Variants in LRRC45 observed in about 807,000 individuals in gnomAD.
LRRC45 encodes leucine-rich repeat-containing protein 45.
LRRC45 carries 73 observed loss-of-function variants against 85.4 expected under a neutral mutation model. The observed-to-expected ratio is 0.85, with a 90% CI of 0.71 to 1.04. LRRC45 has a LOEUF of 1.04. Ranked by LOEUF, LRRC45 falls within the 50% of genes least tolerant of loss-of-function variation. The pLI is 0.00. For missense variants in LRRC45, 937 were observed against 883.3 expected, an observed-to-expected ratio of 1.06 and a Z score of -0.77; for synonymous variants, 429 against 386.0, an observed-to-expected ratio of 1.11 and a Z score of -1.31.
At chr17:82,029,945 G>T in intron 14 of LRRC45, 120 bp from the exon 15 acceptor site, 1 of 1,289,674 alleles carries the variant, frequency 7.8e-7, no homozygotes. Context: ...AGCGGGTTCA[G>T]AGTCATAGTA....
chr17:82,031,011 C>G lies in LRRC45; in HGVS notation c.*206C>G, dbSNP rs763807120. 3.7e-4 allele frequency: 149 copies of G among 400,536 alleles called. No individual in the cohort carries two copies. The highest frequency in any genetic ancestry group is 1.4e-3 in the Admixed American group (31 of 22,616). 24.8% of individuals were successfully genotyped at this position (400,536 alleles called of 1,614,324 possible). A position where few individuals can be genotyped will look rare whatever the true frequency, so the allele number is the denominator to read the frequency against. On this transcript the variant is annotated 3_prime_UTR_variant, in exon 17 of 17. Coordinates refer to ENST00000306688, the MANE Select transcript of LRRC45 (RefSeq NM_144999.4). ...GGGCTCCCTACCGGCCCCTTCTTCC[C>G]GGTCGACGCCACGTGGGAGCACACC... is the stretch of plus-strand genomic sequence containing the variant.
At position 82,030,252 on chromosome 17, in the gene LRRC45, C is replaced by G. The variant is rs1223215312; in HGVS notation, c.1668+14C>G. 1.3e-6 allele frequency: 2 copies of G among 1,533,568 alleles called. No individual in the cohort carries two copies. The highest frequency in any genetic ancestry group is 1.8e-6 in the Non-Finnish European group (2 of 1,135,908). The allele number at this position is 1,533,568 out of a possible 1,614,324, so 95.0% of individuals were successfully genotyped here. A position where few individuals can be genotyped will look rare whatever the true frequency, so the allele number is the denominator to read the frequency against. On this transcript the variant is annotated intron_variant, in intron 15 of 16. Transcript: ENST00000306688. ...GAGCTGCAGCAGGTAGGCGGGGCTC[C>G]GGTGGGGGGCCCCGGGCGTGCTAGC...
chr17:82,023,558 C>T lies in LRRC45; in HGVS notation c.-86C>T. 1 of 1,263,034 alleles carries T rather than the reference C, an allele frequency of 7.9e-7. No individual in the cohort carries two copies. Among genetic ancestry groups the T allele is most frequent in the South Asian group, 1.6e-5 (1 of 63,720 alleles). The allele number at this position is 1,263,034 out of a possible 1,614,324, so 78.2% of individuals were successfully genotyped here. A position where few individuals can be genotyped will look rare whatever the true frequency, so the allele number is the denominator to read the frequency against. On this transcript the variant is annotated 5_prime_UTR_variant, in exon 1 of 17. Transcript: ENST00000306688. ...TCGGCGGAGGCCCCGTCTCCTGTAC[C>T]CGGCGCTGGGACTGCTCCGCACCGC...
Position 82,030,122 on chromosome 17 carries a change from G to C in LRRC45, c.1552G>C (p.Glu518Gln), listed in dbSNP as rs1258163020. 6.5e-7 allele frequency: 1 copy of C among 1,547,822 alleles called. No homozygotes were observed. The part of the protein sequence containing the change: ...KLRLLAQARD[E>Q]AQGACLQQKQ... Reference sequence around the variant, plus strand: ...GAGACTGCTGGCGCAGGCACGGGACGAGGCGCAGGGCGCTTGCCTACAGCA... The same window carrying C: ...GAGACTGCTGGCGCAGGCACGGGACCAGGCGCAGGGCGCTTGCCTACAGCA... The change falls in exon 15 of 17, where the codon GAG becomes CAG. Residue 518 changes from glutamate to glutamine, a missense_variant. Glu to Gln is a conservative substitution (Grantham distance 29). Coordinates refer to ENST00000306688, the MANE Select transcript of LRRC45 (RefSeq NM_144999.4).
intron 14 of LRRC45, 83 bp downstream of exon 14, chr17:82,029,718 C>G: frequency 7.4e-7 from 1 of 1,348,066 alleles, no homozygotes; most frequent in Non-Finnish European, 1.0e-6. Flanking sequence ...GAGCTTCGGT[C>G]TGAGTGGGGA....
In LRRC45 at chr17:82,024,989, C is replaced by T; in HGVS notation, c.354-11C>T. The T allele has an allele frequency of 3.2e-6, 5 of 1,554,692 alleles. No homozygotes were observed. The highest frequency in any genetic ancestry group is 1.4e-5 in the African/African-American group (1 of 73,714). On this transcript the variant is annotated splice_polypyrimidine_tract_variant and intron_variant, in intron 3 of 16. Coordinates refer to ENST00000306688, the MANE Select transcript of LRRC45 (RefSeq NM_144999.4). The stretch of plus-strand genomic sequence containing the variant: ...CCCCTAGGTGAACACTGGCTTCTGC[C>T]CCTCCTGCAGCCTCACGCTGGAGTG...
Position 82,023,839 on chromosome 17 carries a change from A to C in LRRC45, c.196A>C (p.Ser66Arg). 6.4e-7 allele frequency: 1 copy of C among 1,564,612 alleles called. No homozygotes were observed. Among genetic ancestry groups the C allele is most frequent in the Non-Finnish European group, 8.6e-7 (1 of 1,156,756 alleles). Residue 66 changes from serine (S) to arginine (R), a missense_variant, in exon 1 of 17, where the codon AGT (serine) becomes CGT (arginine). By Grantham distance (110) the Ser-to-Arg change is moderately radical. Transcript: ENST00000306688. ...GACGCTGTGCACGGAGCTGGTCCTG[A>C]GTGACTGCATGCTCAGCGAGGAAGG... ...RETLCTELVL[S>R]DCMLSEEGAT...
chr17:82,027,414 A>G lies in LRRC45; in HGVS notation c.803A>G (p.Lys268Arg), dbSNP rs747821462. ...CTCGACTTGATGGAGACTATTGATAAGCAGCGAGAAGAGATGGCCAAGAGC... is the reference window on the plus strand; with the variant it reads ...CTCGACTTGATGGAGACTATTGATAGGCAGCGAGAAGAGATGGCCAAGAGC... ...QFLDLMETID[K>R]QREEMAKSSR... The change falls in exon 7 of 17, where the codon AAG (lysine) becomes AGG (arginine). Residue 268 changes from lysine to arginine, a missense_variant. By Grantham distance (26) the Lys-to-Arg change is conservative. Coordinates refer to ENST00000306688, the MANE Select transcript of LRRC45 (RefSeq NM_144999.4). The G allele has an allele frequency of 5.0e-6, 8 of 1,612,616 alleles. No homozygotes were observed. The highest frequency in any genetic ancestry group is 3.3e-5 in the South Asian group (3 of 91,092).
At chr17:82,024,794 C>T in intron 3 of LRRC45, 31 bp downstream of exon 3, 9 of 1,560,934 alleles carry the variant, frequency 5.8e-6, no homozygotes, top group Non-Finnish European at 7.8e-6. Flanking sequence ...CAGGCCCTGT[C>T]TCTGTGTGGT....
intron 4 of LRRC45, 80 bp from the exon 5 acceptor site, chr17:82,025,299 C>T (rs1170016128): frequency 6.6e-6 from 10 of 1,525,236 alleles, no homozygotes; most frequent in Admixed American, 6.0e-5. Context: ...AAGGCAGTGC[C>T]CCCTAGGGAA....
At chr17:82,025,793 C>A (rs1322882363) in intron 5 of LRRC45, among the ~76,000 whole-genome samples, 1 of 152,228 alleles carries the variant, frequency 6.6e-6, no homozygotes, top group Non-Finnish European at 1.5e-5. Flanking sequence ...GTGTGGCTCA[C>A]AGTCCTGGCC....
chr17:82,028,564 G>A, intron 11 of LRRC45, 49 bp from the exon 12 acceptor site: 2 of 1,611,834 alleles, frequency 1.2e-6, no homozygotes, highest in African/African-American at 1.3e-5. Flanking sequence ...CGGGGGACGG[G>A]GGCCCCCAGG....
intron 12 of LRRC45, 121 bp from the exon 13 acceptor site, chr17:82,028,972 T>C (rs560110109): frequency 2.2e-6 from 2 of 910,332 alleles, no homozygotes; most frequent in African/African-American, 3.3e-5. Context: ...TCTGAGGCAG[T>C]GCTTTCTCAG....
intron 8 of LRRC45, 62 bp downstream of exon 8, chr17:82,027,813 G>A (rs1426873360): frequency 3.8e-6 from 6 of 1,570,036 alleles, no homozygotes; most frequent in Non-Finnish European, 5.2e-6. Context: ...GAAAGGTGGT[G>A]TGAACCTGTG....
rs2043330503 is a variant in LRRC45, at chr17:82,023,380, G to C, written c.-264G>C. The C allele has an allele frequency of 2.0e-6, 1 of 499,368 alleles. No homozygotes were observed. 30.9% of individuals were successfully genotyped at this position (499,368 alleles called of 1,614,324 possible). A position where few individuals can be genotyped will look rare whatever the true frequency, so the allele number is the denominator to read the frequency against. On this transcript the variant is annotated 5_prime_UTR_variant, in exon 1 of 17. Coordinates refer to ENST00000306688, the MANE Select transcript of LRRC45 (RefSeq NM_144999.4). Reference sequence around the variant, plus strand: ...CGGGGCTGCAGGCGGGGCAGGGCTGGGTGGGGGCGCGCGACGCACCTGCCT... The same window carrying C: ...CGGGGCTGCAGGCGGGGCAGGGCTGCGTGGGGGCGCGCGACGCACCTGCCT...
At chr17:82,030,512 G>C in intron 16 of LRRC45, 46 bp downstream of exon 16, 1 of 1,526,978 alleles carries the variant, frequency 6.5e-7, no homozygotes, top group Non-Finnish European at 8.8e-7. Flanking sequence ...TGGGACGTGA[G>C]GCCAGCCAGA....
Position 82,023,354 on chromosome 17 carries a change from T to A in LRRC45, c.-290T>A, listed in dbSNP as rs2043329951. The A allele has an allele frequency of 1.1e-5, 5 of 458,406 alleles. No homozygotes were observed. The highest frequency in any genetic ancestry group is 1.5e-5 in the Non-Finnish European group (4 of 260,046). The allele number at this position is 458,406 out of a possible 1,614,324, so 28.4% of individuals were successfully genotyped here. A position where few individuals can be genotyped will look rare whatever the true frequency, so the allele number is the denominator to read the frequency against. On this transcript the variant is annotated 5_prime_UTR_variant, in exon 1 of 17. Coordinates refer to ENST00000306688, the MANE Select transcript of LRRC45 (RefSeq NM_144999.4). ...GACGCGGCTGTCGCGAGGGCGGGGGTCGGGGCTGCAGGCGGGGCAGGGCTG... is the reference window on the plus strand; with the variant it reads ...GACGCGGCTGTCGCGAGGGCGGGGGACGGGGCTGCAGGCGGGGCAGGGCTG...
At chr17:82,029,491 G>C (rs1417699873) in intron 13 of LRRC45, 52 bp from the exon 14 acceptor site, 2 of 1,524,734 alleles carry the variant, frequency 1.3e-6, no homozygotes, top group African/African-American at 2.8e-5. Flanking sequence ...AGAGAGAGAA[G>C]GGCCCTGGGC....
Position 82,028,155 on chromosome 17 carries a change from G to A in LRRC45, c.1047+9G>A. On this transcript the variant is annotated intron_variant, in intron 9 of 16. Transcript: ENST00000306688. Reference sequence around the variant, plus strand: ...TCAAGCTGGAGCAGCAGGTGGGTGGGCAGGGCTTGAGAGGGGTGGGCCAAG... The same window carrying A: ...TCAAGCTGGAGCAGCAGGTGGGTGGACAGGGCTTGAGAGGGGTGGGCCAAG... The A allele has an allele frequency of 6.4e-7, 1 of 1,562,762 alleles. No homozygotes were observed. The highest frequency in any genetic ancestry group is 8.7e-7 in the Non-Finnish European group (1 of 1,154,060).
Sources: gnomAD v4.1 joint callset for allele counts (sites outside exome capture counted in the v4.1 genomes callset) on GRCh38, gnomAD v4.1.1 for gene constraint, MANE v1.5 for transcripts, NCBI Gene and HGNC (gene_info 2026-07-23, HGNC 2026-07-21) for gene names.